The following ATP8A1 variants were observed in gnomAD, a reference collection of about 807,000 sequenced individuals.
ATP8A1 encodes the protein ATPase phospholipid transporting 8A1, also known as phospholipid-transporting ATPase IA.
A neutral mutation model predicts 177.7 loss-of-function variants in ATP8A1; 90 were observed. That is an observed-to-expected ratio of 0.51 (90% CI 0.43 to 0.60). The LOEUF (loss-of-function observed/expected upper bound fraction) is 0.60. Among genes scored for constraint, ATP8A1 ranks in the 20% least tolerant of loss-of-function variants. ATP8A1 has a pLI of 0.00. For missense variants in ATP8A1, 1,072 were observed against 1,392.8 expected, an observed-to-expected ratio of 0.77 and a Z score of 3.67; for synonymous variants, 493 against 485.9, an observed-to-expected ratio of 1.01 and a Z score of -0.19.
At chr4:42,413,974 T>C (rs560465893) in intron 36 of ATP8A1, among the ~76,000 whole-genome samples, 1 of 152,358 alleles carries the variant, frequency 6.6e-6, no homozygotes, top group South Asian at 2.1e-4. Flanking sequence ...CGCCCCGACA[T>C]GGCATGGGCA....
chr4:42,624,641 G>GA lies in ATP8A1; in HGVS notation c.265-8_265-7insT. 1 of 1,108,542 alleles carries GA rather than the reference G, an allele frequency of 9.0e-7. No homozygotes were observed. The highest frequency in any genetic ancestry group is 3.0e-5 in the East Asian group (1 of 33,014). The allele number at this position is 1,108,542 out of a possible 1,614,324, so 68.7% of individuals were successfully genotyped here. Reference sequence around the variant, plus strand: ...GTGACACATCAGGTATTTGCTGTTTGGAAAAAAAAAAAAAAGAGAAATCCA... The same window carrying GA: ...GTGACACATCAGGTATTTGCTGTTTGAGAAAAAAAAAAAAAAGAGAAATCCA... On this transcript the variant is annotated splice_region_variant and splice_polypyrimidine_tract_variant and intron_variant, in intron 3 of 36. Coordinates refer to ENST00000381668, the MANE Select transcript of ATP8A1 (RefSeq NM_006095.2).
At chr4:42,633,987 A>T (rs935794745) in intron 1 of ATP8A1, among the ~76,000 whole-genome samples, 7 of 152,258 alleles carry the variant, frequency 4.6e-5, no homozygotes, top group African/African-American at 9.6e-5. Flanking sequence ...AACAGTAAAC[A>T]GAGCATAAAA....
chr4:42,445,899 G>C (rs985952846), intron 31 of ATP8A1, among the ~76,000 whole-genome samples: 5 of 151,874 alleles, frequency 3.3e-5, no homozygotes, highest in African/African-American at 1.2e-4. Flanking sequence ...GGCCAACATG[G>C]TGAAACCTTG....
At chr4:42,477,589 G>A (rs751520017) in intron 25 of ATP8A1, among the ~76,000 whole-genome samples, 2 of 152,178 alleles carry the variant, frequency 1.3e-5, no homozygotes, top group Non-Finnish European at 2.9e-5. Flanking sequence ...TTGTAGCAAA[G>A]ATTTGGAGGA....
intron 33 of ATP8A1, among the ~76,000 whole-genome samples, chr4:42,433,856 T>TTAA (rs1553871067): frequency 7.2e-6 from 1 of 139,364 alleles, no homozygotes; most frequent in Non-Finnish European, 1.6e-5. Context: ...AAGAGAGTAA[T>TTAA]AAAAAAAAAA....
At chr4:42,631,232 G>A (rs1738698280) in intron 1 of ATP8A1, among the ~76,000 whole-genome samples, 1 of 152,262 alleles carries the variant, frequency 6.6e-6, no homozygotes, top group Middle Eastern at 3.4e-3. Context: ...TTCATAGTAA[G>A]CCCTCAAAGC....
intron 5 of ATP8A1, among the ~76,000 whole-genome samples, chr4:42,612,714 T>C (rs2109439015): frequency 6.6e-6 from 1 of 152,152 alleles, no homozygotes; most frequent in East Asian, 1.9e-4. Flanking sequence ...CTCAGCTCCA[T>C]AATTCGATCC....
Position 42,412,802 on chromosome 4 carries a change from T to C in ATP8A1, c.*114A>G, listed in dbSNP as rs1712768305. ...CTGAATGTCCATCAGCGAGATGAGC[T>C]CAGATCTACCTTTCCTCTTCATGGA... On this transcript the variant is annotated 3_prime_UTR_variant, in exon 37 of 37. Coordinates refer to ENST00000381668, the MANE Select transcript of ATP8A1 (RefSeq NM_006095.2). 1.3e-6 allele frequency: 1 copy of C among 791,618 alleles called. No individual in the cohort carries two copies. Among genetic ancestry groups the C allele is most frequent in the Non-Finnish European group, 2.1e-6 (1 of 480,382 alleles). 49.0% of individuals were successfully genotyped at this position (791,618 alleles called of 1,614,324 possible).
chr4:42,429,125 A>G (rs951343950), intron 33 of ATP8A1, among the ~76,000 whole-genome samples: 5 of 152,182 alleles, frequency 3.3e-5, no homozygotes, highest in Non-Finnish European at 7.4e-5. Context: ...TGTGGTGGTT[A>G]TGGTTTGCTT....
At chr4:42,532,677 T>A (rs868582549) in intron 20 of ATP8A1, among the ~76,000 whole-genome samples, 1 of 152,190 alleles carries the variant, frequency 6.6e-6, no homozygotes, top group Non-Finnish European at 1.5e-5. Context: ...CTCAGATGGA[T>A]GGAGCAGCGT....
At chr4:42,419,350 T>A (rs1353089168) in intron 35 of ATP8A1, among the ~76,000 whole-genome samples, 2 of 152,178 alleles carry the variant, frequency 1.3e-5, no homozygotes, top group Admixed American at 1.3e-4. Context: ...AGAAGCTCAA[T>A]CTAGTAGGGG....
At chr4:42,423,564 T>C (rs1427211279) in intron 34 of ATP8A1, 53 bp downstream of exon 34, 3 of 1,274,998 alleles carry the variant, frequency 2.4e-6, no homozygotes, top group African/African-American at 3.0e-5. Flanking sequence ...GAGAGAAATC[T>C]GAGGATGAAT....
Position 42,470,993 on chromosome 4 carries a change from C to T in ATP8A1, c.2325-5917G>A, listed in dbSNP as rs542859428. On this transcript the variant is annotated intron_variant, in intron 25 of 36. Coordinates refer to ENST00000381668, the MANE Select transcript of ATP8A1 (RefSeq NM_006095.2). ...GAAAAACGTAAACTAGAAGATCTTA[C>T]TTGAATCCTTCTGAACTAAAATTTG... is the stretch of plus-strand genomic sequence containing the variant. 4.6e-5 allele frequency among the ~76,000 whole-genome samples: 7 copies of T among 152,242 alleles called. No homozygotes were observed. The South Asian group carries it at 1.2e-3, about 27-fold the overall frequency.
chr4:42,590,930 T>G, intron 6 of ATP8A1, 46 bp from the exon 7 acceptor site: 1 of 1,025,690 alleles, frequency 9.7e-7, no homozygotes, highest in Middle Eastern at 2.1e-4. Context: ...AAAAAAAAAA[T>G]GAACAGAGGA....
intron 13 of ATP8A1, 83 bp downstream of exon 13, chr4:42,575,539 A>G (rs1732357039): frequency 1.9e-6 from 2 of 1,065,354 alleles, no homozygotes; most frequent in East Asian, 2.4e-5. Context: ...CTGTCCATTC[A>G]TCTGCAGTTA....
intron 24 of ATP8A1, among the ~76,000 whole-genome samples, chr4:42,489,715 G>A (rs1321808721): frequency 6.6e-6 from 1 of 152,010 alleles, no homozygotes; most frequent in African/African-American, 2.4e-5. Context: ...AAACTTTATT[G>A]CTTCTCCCCT....
At chr4:42,568,425 A>T (rs1252417302) in intron 15 of ATP8A1, among the ~76,000 whole-genome samples, 1 of 152,232 alleles carries the variant, frequency 6.6e-6, no homozygotes, top group Non-Finnish European at 1.5e-5. Context: ...CATTAAAGGA[A>T]CATATTTCCT....
intron 20 of ATP8A1, among the ~76,000 whole-genome samples, chr4:42,539,150 T>G (rs1728130910): frequency 6.6e-6 from 1 of 151,688 alleles, no homozygotes; most frequent in African/African-American, 2.4e-5. Context: ...GTGAAGTAAC[T>G]CAGAAATGGG....
intron 21 of ATP8A1, 86 bp downstream of exon 21, chr4:42,524,677 C>CTAA: frequency 1.2e-6 from 1 of 806,018 alleles, no homozygotes; most frequent in Non-Finnish European, 1.9e-6. Flanking sequence ...ATCTCTAAGT[C>CTAA]TAATAATAAT....
Sources: allele counts gnomAD v4.1 joint callset (sites outside exome capture counted in the v4.1 genomes callset), GRCh38; gene constraint gnomAD v4.1.1; transcripts MANE v1.5; gene names NCBI Gene and HGNC (gene_info 2026-07-23, HGNC 2026-07-21).